The following CNTNAP3 variants were observed in gnomAD, a reference collection of about 807,000 sequenced individuals.
The protein encoded by CNTNAP3 is contactin associated protein family member 3, also known as contactin-associated protein-like 3.
Under a neutral mutation model 92.1 loss-of-function variants are expected in CNTNAP3, and 36 were observed. The ratio of observed to expected loss-of-function variants is 0.39; its 90% CI spans 0.30 to 0.52. CNTNAP3 has a LOEUF of 0.52. Among genes scored for constraint, CNTNAP3 ranks in the 20% least tolerant of loss-of-function variants. The pLI is 0.76. For synonymous variants in CNTNAP3, 232 were observed against 422.3 expected (o/e 0.55, Z 5.53); for missense variants, 534 against 1,069.6 (o/e 0.50, Z 6.98).
At chr9:39,075,487 T>C (rs1318766327) in intron 23 of CNTNAP3, among the ~76,000 whole-genome samples, 17 of 152,272 alleles carry the variant, frequency 1.1e-4, no homozygotes, top group Non-Finnish European at 1.6e-4. Context: ...CCCCCAAATA[T>C]GCCTTTTTGA....
At chr9:39,098,756 T>C (rs1169850980) in intron 18 of CNTNAP3, among the ~76,000 whole-genome samples, 1 of 152,072 alleles carries the variant, frequency 6.6e-6, no homozygotes, top group African/African-American at 2.4e-5. Context: ...AGATAATGAA[T>C]CCTCAAAATT....
intron 15 of CNTNAP3, among the ~76,000 whole-genome samples, chr9:39,104,173 C>T (rs985664335): frequency 1.3e-5 from 2 of 151,956 alleles, no homozygotes; most frequent in East Asian, 1.9e-4. Flanking sequence ...CAGGGGATCG[C>T]GCAGCAACAC....
At chr9:39,136,281 T>C (rs2315722) in intron 12 of CNTNAP3, among the ~76,000 whole-genome samples, 4,796 of 152,136 alleles carry the variant, frequency 0.032, 129 homozygotes, top group East Asian at 0.11. Flanking sequence ...AAAATTTACT[T>C]AGTATATCAT....
intron 11 of CNTNAP3, among the ~76,000 whole-genome samples, chr9:39,142,976 A>T (rs1010091998): frequency 6.6e-6 from 1 of 152,032 alleles, no homozygotes; most frequent in Non-Finnish European, 1.5e-5. Flanking sequence ...AGGACTTTGC[A>T]TCTCTGTTTC....
At chr9:39,112,938 C>T (rs1225556949) in intron 14 of CNTNAP3, among the ~76,000 whole-genome samples, 2 of 152,086 alleles carry the variant, frequency 1.3e-5, no homozygotes, top group African/African-American at 4.8e-5. Context: ...TGCTGCAATC[C>T]ACACAAGTAA....
intron 13 of CNTNAP3, among the ~76,000 whole-genome samples, chr9:39,127,730 T>TTAAG (rs1821183305): frequency 1.3e-5 from 2 of 152,222 alleles, no homozygotes; most frequent in Non-Finnish European, 2.9e-5. Context: ...AATAGGTAAT[T>TTAAG]TAAGTAATTG....
intron 11 of CNTNAP3, among the ~76,000 whole-genome samples, chr9:39,142,132 G>T (rs1821591364): frequency 6.6e-6 from 1 of 152,122 alleles, no homozygotes; most frequent in Non-Finnish European, 1.5e-5. Flanking sequence ...TGATTGCAGT[G>T]AATAACCATG....
intron 21 of CNTNAP3, among the ~76,000 whole-genome samples, chr9:39,079,798 A>G (rs1302839322): frequency 1.5e-5 from 2 of 132,090 alleles, no homozygotes; most frequent in Admixed American, 7.3e-5. Flanking sequence ...TCACACTGTT[A>G]TATGAAAACA....
At chr9:39,075,561 C>A (rs1482150605) in intron 23 of CNTNAP3, among the ~76,000 whole-genome samples, 1 of 152,284 alleles carries the variant, frequency 6.6e-6, no homozygotes, top group African/African-American at 2.4e-5. Context: ...CTAGATCCTC[C>A]CCTCTTTTCA....
rs1320559359 is a variant in CNTNAP3 at position 39,064,742 on chromosome 9, C to T, written c.*9148G>A. On this transcript the variant is annotated 3_prime_UTR_variant, in exon 24 of 24. Coordinates refer to ENST00000297668, the MANE Select transcript of CNTNAP3 (RefSeq NM_033655.5). ...TTTAACATTTATTACATACATAGAA[C>T]ATATAAGAATTTATAGAGCAATGAA... Among the ~76,000 whole-genome samples, 1 of 152,310 alleles carries T rather than the reference C, an allele frequency of 6.6e-6. No individual in the cohort carries two copies. Among genetic ancestry groups the T allele is most frequent in the Non-Finnish European group, 1.5e-5 (1 of 68,056 alleles).
At chr9:39,150,994 C>G (rs73646302) in intron 9 of CNTNAP3, among the ~76,000 whole-genome samples, 2,012 of 148,238 alleles carry the variant, frequency 0.014, 228 homozygotes, top group African/African-American at 0.048. Flanking sequence ...AATATATAAC[C>G]TAATAATGGA....
At chr9:39,143,440 C>A (rs1468119219) in intron 11 of CNTNAP3, among the ~76,000 whole-genome samples, 1 of 152,038 alleles carries the variant, frequency 6.6e-6, no homozygotes, top group African/African-American at 2.4e-5. Flanking sequence ...CATCCTGGAG[C>A]CAAGGCTGTG....
At chr9:39,110,003 C>CCACA (rs1261032243) in intron 14 of CNTNAP3, among the ~76,000 whole-genome samples, 1 of 152,000 alleles carries the variant, frequency 6.6e-6, no homozygotes, top group Non-Finnish European at 1.5e-5. Context: ...AAAATGAATC[C>CCACA]CACAGATTCA....
At chr9:39,079,307 G>A (rs993414727) in intron 21 of CNTNAP3, among the ~76,000 whole-genome samples, 4 of 151,720 alleles carry the variant, frequency 2.6e-5, no homozygotes, top group African/African-American at 4.8e-5. Context: ...ACAGAAAAGC[G>A]ACTCTTGGAG....
intron 18 of CNTNAP3, among the ~76,000 whole-genome samples, chr9:39,090,098 C>T (rs1265866551): frequency 1.2e-4 from 19 of 152,102 alleles, no homozygotes; most frequent in Admixed American, 7.2e-4. Flanking sequence ...CGCCACTACG[C>T]GTGGCTAATT....
At chr9:39,123,802 AAC>A (rs1821094517) in intron 13 of CNTNAP3, among the ~76,000 whole-genome samples, 1 of 151,932 alleles carries the variant, frequency 6.6e-6, no homozygotes, top group Non-Finnish European at 1.5e-5. Flanking sequence ...GTTGAGAGAA[AAC>A]ACACACTAAT....
intron 13 of CNTNAP3, among the ~76,000 whole-genome samples, chr9:39,130,883 C>CTA (rs1186564357): frequency 6.6e-6 from 1 of 151,512 alleles, no homozygotes; most frequent in Non-Finnish European, 1.5e-5. Flanking sequence ...TGATATTGCA[C>CTA]TATACTTCTA....
chr9:39,121,464 A>G (rs1821016905), intron 13 of CNTNAP3, among the ~76,000 whole-genome samples: 1 of 152,182 alleles, frequency 6.6e-6, no homozygotes, highest in African/African-American at 2.4e-5. Context: ...TCACAACAAG[A>G]AAAAAGCTGC....
At chr9:39,135,080 T>C (rs1055141176) in intron 12 of CNTNAP3, among the ~76,000 whole-genome samples, 2 of 152,162 alleles carry the variant, frequency 1.3e-5, no homozygotes, top group African/African-American at 4.8e-5. Context: ...ACCAGGGACA[T>C]TATAGGCTAT....
Sources: gnomAD v4.1 joint callset for allele counts (sites outside exome capture counted in the v4.1 genomes callset) on GRCh38, gnomAD v4.1.1 for gene constraint, MANE v1.5 for transcripts, NCBI Gene and HGNC (gene_info 2026-07-23, HGNC 2026-07-21) for gene names.